DOCK3: variants seen among roughly 807,000 people sequenced by gnomAD.
DOCK3 encodes dedicator of cytokinesis protein 3.
A neutral mutation model predicts 265.6 loss-of-function variants in DOCK3; 60 were observed. The ratio of observed to expected loss-of-function variants is 0.23; its 90% CI spans 0.18 to 0.28. DOCK3 has a LOEUF of 0.28. Ranked by LOEUF, DOCK3 falls within the 10% of genes least tolerant of loss-of-function variation. The pLI is 1.00. For missense variants in DOCK3, 1,981 were observed against 2,594.3 expected (o/e 0.76, Z 5.14); for synonymous variants, 881 against 938.0 (o/e 0.94, Z 1.11).
At chr3:50,768,708 A>G (rs1271908672) in intron 1 of DOCK3, among the ~76,000 whole-genome samples, 1 of 152,250 alleles carries the variant, frequency 6.6e-6, no homozygotes, top group African/African-American at 2.4e-5. Context: ...ATAGTGCTAC[A>G]TTAAACATGG....
At chr3:50,946,586 G>A (rs1198031211) in intron 5 of DOCK3, among the ~76,000 whole-genome samples, 1 of 152,184 alleles carries the variant, frequency 6.6e-6, no homozygotes, top group Non-Finnish European at 1.5e-5. Flanking sequence ...GGTAGGCAGT[G>A]TGTACAGCTA....
chr3:51,123,054 A>C (rs1417016087), intron 9 of DOCK3, among the ~76,000 whole-genome samples: 1 of 152,196 alleles, frequency 6.6e-6, no homozygotes, highest in Non-Finnish European at 1.5e-5. Context: ...ATACCTCAGC[A>C]TCCACTTCAT....
At chr3:50,988,854 C>T (rs1157481160) in intron 5 of DOCK3, among the ~76,000 whole-genome samples, 2 of 152,164 alleles carry the variant, frequency 1.3e-5, no homozygotes, top group Non-Finnish European at 2.9e-5. Context: ...CCTGTGCCTC[C>T]AGCCTCCCCC....
intron 3 of DOCK3, among the ~76,000 whole-genome samples, chr3:50,880,415 A>G (rs532845768): frequency 6.6e-6 from 1 of 152,344 alleles, no homozygotes; most frequent in African/African-American, 2.4e-5. Flanking sequence ...GAAGAATCAA[A>G]TAGATGCAAT....
At chr3:50,769,609 G>A (rs936878410) in intron 1 of DOCK3, among the ~76,000 whole-genome samples, 3 of 151,840 alleles carry the variant, frequency 2.0e-5, no homozygotes, top group Non-Finnish European at 4.4e-5. Flanking sequence ...TCAGGAGTTC[G>A]AGACCAGCCT....
chr3:50,721,822 A>G (rs140930461), intron 1 of DOCK3, among the ~76,000 whole-genome samples: 1 of 152,254 alleles, frequency 6.6e-6, no homozygotes, highest in East Asian at 1.9e-4. Context: ...CTTCATGAGC[A>G]TGGGAATGTT....
At chr3:51,191,526 A>T (rs1171781689) in intron 12 of DOCK3, among the ~76,000 whole-genome samples, 7 of 152,122 alleles carry the variant, frequency 4.6e-5, no homozygotes, top group Non-Finnish European at 1.0e-4. Flanking sequence ...TGTGGGCTGA[A>T]TTGCCAGGTT....
chr3:50,771,587 C>T (rs2041278588), intron 1 of DOCK3, among the ~76,000 whole-genome samples: 1 of 152,170 alleles, frequency 6.6e-6, no homozygotes, highest in South Asian at 2.1e-4. Flanking sequence ...TGTGGTGGCT[C>T]ACACCTGTAA....
At chr3:51,308,361 T>C (rs1196967473) in intron 27 of DOCK3, among the ~76,000 whole-genome samples, 2 of 151,720 alleles carry the variant, frequency 1.3e-5, no homozygotes, top group Non-Finnish European at 1.5e-5. Flanking sequence ...CAGAGGACCC[T>C]GCGGCCTTCC....
At chr3:50,834,130 G>A (rs2045363996) in intron 2 of DOCK3, among the ~76,000 whole-genome samples, 1 of 151,802 alleles carries the variant, frequency 6.6e-6, no homozygotes, top group Non-Finnish European at 1.5e-5. Flanking sequence ...AGTCCTGAAA[G>A]TTTTTCCTGC....
intron 19 of DOCK3, among the ~76,000 whole-genome samples, chr3:51,233,230 C>G (rs2078199477): frequency 1.3e-5 from 2 of 152,192 alleles, no homozygotes; most frequent in South Asian, 4.1e-4. Context: ...GCCATTTTAA[C>G]AATATCGATT....
intron 9 of DOCK3, among the ~76,000 whole-genome samples, chr3:51,096,309 A>G (rs974129713): frequency 6.7e-6 from 1 of 150,030 alleles, no homozygotes; most frequent in African/African-American, 2.5e-5. Context: ...ATAGTCCCAT[A>G]TTTCTTGGAG....
At chr3:50,996,116 C>A (rs529518610) in intron 5 of DOCK3, among the ~76,000 whole-genome samples, 1 of 152,074 alleles carries the variant, frequency 6.6e-6, no homozygotes, top group African/African-American at 2.4e-5. Flanking sequence ...TCAGGTGATC[C>A]TCCCACCTTG....
At chr3:51,078,605 T>C (rs2082128867) in intron 7 of DOCK3, among the ~76,000 whole-genome samples, 1 of 152,166 alleles carries the variant, frequency 6.6e-6, no homozygotes, top group South Asian at 2.1e-4. Flanking sequence ...AATAGCAGCA[T>C]TAAAAATTAG....
intron 1 of DOCK3, among the ~76,000 whole-genome samples, chr3:50,703,809 C>A (rs970405309): frequency 6.8e-6 from 1 of 147,148 alleles, no homozygotes. Flanking sequence ...TTTAGTCCTG[C>A]TCTGATATTT....
At chr3:50,723,772 A>AGAAT (rs1258817808) in intron 1 of DOCK3, among the ~76,000 whole-genome samples, 1 of 152,220 alleles carries the variant, frequency 6.6e-6, no homozygotes, top group African/African-American at 2.4e-5. Flanking sequence ...AATGCCATTC[A>AGAAT]GGACATACAC....
chr3:51,189,197 T>C (rs2087792555), intron 12 of DOCK3, among the ~76,000 whole-genome samples: 1 of 152,238 alleles, frequency 6.6e-6, no homozygotes, highest in South Asian at 2.1e-4. Context: ...TGAACATTTT[T>C]GCATTTATCT....
At chr3:51,119,457 C>T (rs976995463) in intron 9 of DOCK3, among the ~76,000 whole-genome samples, 3 of 152,146 alleles carry the variant, frequency 2.0e-5, no homozygotes, top group Non-Finnish European at 4.4e-5. Flanking sequence ...GGTTGTTCTT[C>T]TCAAATAGTA....
Position 51,015,872 on chromosome 3 carries a change from TCATATATTTCTATATATG to T in DOCK3, c.316-48575_316-48558del, listed in dbSNP as rs1273272633. On this transcript the variant is annotated intron_variant, in intron 5 of 52. Transcript: ENST00000266037. Reference sequence around the variant, plus strand: ...ATATATCATATATATGATATATATATCATATATTTCTATATATGATATATATCATATATATGATATATA... The same window carrying T: ...ATATATCATATATATGATATATATATATATATATCATATATATGATATATA... Among the ~76,000 whole-genome samples, 6 of 36,816 alleles carry T rather than the reference TCATATATTTCTATATATG, an allele frequency of 1.6e-4. 3 individuals carry two copies. Among genetic ancestry groups the T allele is most frequent in the African/African-American group, 8.6e-4 (6 of 6,996 alleles). 24.2% of individuals were successfully genotyped at this position (36,816 alleles called of 152,430 possible).
Sources: gnomAD v4.1 joint callset for allele counts (sites outside exome capture counted in the v4.1 genomes callset) on GRCh38, gnomAD v4.1.1 for gene constraint, MANE v1.5 for transcripts, NCBI Gene and HGNC (gene_info 2026-07-23, HGNC 2026-07-21) for gene names.